MYOCD: variants seen among roughly 807,000 people sequenced by gnomAD.
MYOCD encodes myocardin.
In MYOCD, 32 loss-of-function variants were observed where a neutral mutation model predicts 96.1. The observed-to-expected ratio is 0.33, with a 90% CI of 0.25 to 0.45. MYOCD has a LOEUF of 0.45. Among genes scored for constraint, MYOCD ranks in the 20% least tolerant of loss-of-function variants. The pLI, the probability that MYOCD is intolerant of heterozygous loss-of-function variation, is 1.00. For synonymous variants in MYOCD, 469 were observed against 469.0 expected, an observed-to-expected ratio of 1.00 and a Z score of 0.00; for missense variants, 1,133 against 1,200.6, an observed-to-expected ratio of 0.94 and a Z score of 0.83.
At chr17:12,760,823 C>T in intron 13 of MYOCD, 116 bp downstream of exon 13, 1 of 828,178 alleles carries the variant, frequency 1.2e-6, no homozygotes, top group East Asian at 2.6e-5. Flanking sequence ...CCAGGTAGTC[C>T]TCAGGGAGAG....
At position 12,765,771 on chromosome 17, in the gene MYOCD, C is replaced by T. The variant is rs917217797; in HGVS notation, c.*2127C>T. On this transcript the variant is annotated 3_prime_UTR_variant, in exon 14 of 14. Coordinates refer to ENST00000425538, the MANE Select transcript of MYOCD (RefSeq NM_001146312.3). ...CGATGACTCACAGCTACTTGCTTATCGTGAACAAGCTCATCTTGGCAATGA... is the reference window on the plus strand; with the variant it reads ...CGATGACTCACAGCTACTTGCTTATTGTGAACAAGCTCATCTTGGCAATGA... 2 of 152,116 alleles carry T rather than the reference C, an allele frequency of 1.3e-5. No individual in the cohort carries two copies. Among genetic ancestry groups the T allele is most frequent in the African/African-American group, 4.8e-5 (2 of 41,418 alleles). The allele number at this position is 152,116 out of a possible 1,614,324, so 9.4% of individuals were successfully genotyped here.
intron 8 of MYOCD, among the ~76,000 whole-genome samples, chr17:12,745,367 G>A (rs1232621121): frequency 4.0e-5 from 6 of 151,838 alleles, no homozygotes; most frequent in South Asian, 2.1e-4. Flanking sequence ...GCGCCACCAC[G>A]CCCGGCTAAT....
intron 6 of MYOCD, among the ~76,000 whole-genome samples, chr17:12,737,396 A>G (rs2032377578): frequency 6.6e-6 from 1 of 152,228 alleles, no homozygotes; most frequent in Admixed American, 6.5e-5. Context: ...CCAAGTAGGT[A>G]TCATCGAGGT....
intron 3 of MYOCD, among the ~76,000 whole-genome samples, chr17:12,717,081 T>C (rs2031669560): frequency 6.6e-6 from 1 of 151,594 alleles, no homozygotes. Flanking sequence ...AGTGACATGT[T>C]ATTAACATGT....
chr17:12,735,234 C>G (rs1356330048), intron 5 of MYOCD, among the ~76,000 whole-genome samples: 1 of 152,212 alleles, frequency 6.6e-6, no homozygotes, highest in Non-Finnish European at 1.5e-5. Flanking sequence ...ACCTAAATTC[C>G]TTTAGCGCAG....
Position 12,756,658 on chromosome 17 carries a change from T to C in MYOCD, c.2202+101T>C, listed in dbSNP as rs1052741297. The C allele has an allele frequency of 9.5e-6, 8 of 845,846 alleles. No homozygotes were observed. In the East Asian group the frequency reaches 1.2e-4, roughly 13 times the overall value. 52.4% of individuals were successfully genotyped at this position (845,846 alleles called of 1,614,324 possible). A position where few individuals can be genotyped will look rare whatever the true frequency, so the allele number is the denominator to read the frequency against. On this transcript the variant is annotated intron_variant, in intron 11 of 13. Transcript: ENST00000425538. ...TTGCAGTGAGCCGAGATCGCACCAC[T>C]GCACTCCAGCCCAGGTGACAGAGCG...
rs554718223 is a variant in MYOCD at position 12,753,001 on chromosome 17, G to A, written c.1713G>A (p.Lys571=). Residue 571 remains lysine (K), a synonymous_variant, in exon 10 of 14, where the codon AAG becomes AAA. Transcript: ENST00000425538. ...KPLPFLAASI[K]QEEAVSSCPF... The stretch of plus-strand genomic sequence containing the variant: ...TGCCTTTCCTGGCTGCCTCCATCAA[G>A]CAGGAAGAGGCTGTCTCCAGCTGTC... The A allele has an allele frequency of 6.8e-6, 11 of 1,614,160 alleles. No homozygotes were observed. In the Admixed American group the frequency reaches 8.3e-5, roughly 12 times the overall value.
At chr17:12,744,120 A>G (rs1044192510) in intron 7 of MYOCD, 63 bp from the exon 8 acceptor site, 84 of 1,569,500 alleles carry the variant, frequency 5.4e-5, no homozygotes, top group Non-Finnish European at 6.9e-5. Context: ...CAACGTGTCC[A>G]TGATGCAAAA....
chr17:12,687,093 C>G (rs542967218), intron 1 of MYOCD, among the ~76,000 whole-genome samples: 2 of 152,096 alleles, frequency 1.3e-5, no homozygotes, highest in South Asian at 2.1e-4. Context: ...CCATGCAAAC[C>G]GATGATTTTA....
At chr17:12,681,138 G>A (rs1289491806) in intron 1 of MYOCD, among the ~76,000 whole-genome samples, 1 of 152,210 alleles carries the variant, frequency 6.6e-6, no homozygotes, top group African/African-American at 2.4e-5. Context: ...CTAAGTCCAT[G>A]CTTGTGACTG....
At chr17:12,720,819 G>A (rs1322687009) in intron 4 of MYOCD, among the ~76,000 whole-genome samples, 3 of 151,954 alleles carry the variant, frequency 2.0e-5, no homozygotes, top group Admixed American at 6.5e-5. Context: ...TCAGGAGATC[G>A]AGACCATCCT....
intron 3 of MYOCD, among the ~76,000 whole-genome samples, chr17:12,715,955 G>A (rs995661814): frequency 2.0e-5 from 3 of 152,016 alleles, no homozygotes; most frequent in African/African-American, 7.2e-5. Flanking sequence ...CCAATTCAAG[G>A]GTAAGGCATG....
chr17:12,734,793 G>A (rs1246255508), intron 5 of MYOCD, among the ~76,000 whole-genome samples: 1 of 152,130 alleles, frequency 6.6e-6, no homozygotes, highest in East Asian at 1.9e-4. Context: ...ACAGGCATGA[G>A]CCACCGTGCC....
intron 1 of MYOCD, among the ~76,000 whole-genome samples, chr17:12,678,947 C>T (rs1051885303): frequency 2.0e-5 from 3 of 152,034 alleles, no homozygotes; most frequent in South Asian, 4.1e-4. Context: ...TATTTTTCTA[C>T]CAATTCTGTG....
At chr17:12,729,387 T>C (rs2032100504) in intron 5 of MYOCD, among the ~76,000 whole-genome samples, 1 of 152,024 alleles carries the variant, frequency 6.6e-6, no homozygotes, top group Admixed American at 6.6e-5. Flanking sequence ...GCCTGGAGTC[T>C]GCCTCTGCCG....
At chr17:12,677,669 G>A (rs951841142) in intron 1 of MYOCD, among the ~76,000 whole-genome samples, 12 of 150,502 alleles carry the variant, frequency 8.0e-5, no homozygotes, top group Admixed American at 6.0e-4. Flanking sequence ...CCGAGATCAC[G>A]CCACTGTACT....
At chr17:12,707,971 A>G (rs542032421) in intron 2 of MYOCD, among the ~76,000 whole-genome samples, 1 of 149,132 alleles carries the variant, frequency 6.7e-6, no homozygotes, top group South Asian at 2.1e-4. Context: ...GTGTGTGTGT[A>G]TACATATATA....
chr17:12,713,314 TAC>T (rs774908695), intron 2 of MYOCD, among the ~76,000 whole-genome samples: 1 of 152,084 alleles, frequency 6.6e-6, no homozygotes, highest in Non-Finnish European at 1.5e-5. Flanking sequence ...ATACAGGAAA[TAC>T]AGTGTTTCTT....
intron 5 of MYOCD, among the ~76,000 whole-genome samples, chr17:12,728,295 G>C (rs1001993525): frequency 2.2e-4 from 34 of 152,200 alleles, no homozygotes; most frequent in African/African-American, 8.2e-4. Flanking sequence ...TAGCTCCCAC[G>C]AAAGTCGTAT....
Sources: gnomAD v4.1 joint callset for allele counts (sites outside exome capture counted in the v4.1 genomes callset) on GRCh38, gnomAD v4.1.1 for gene constraint, MANE v1.5 for transcripts, NCBI Gene and HGNC (gene_info 2026-07-23, HGNC 2026-07-21) for gene names.